TRIM37: variants seen among roughly 807,000 people sequenced by gnomAD.
The protein encoded by TRIM37 is E3 ubiquitin-protein ligase TRIM37.
In TRIM37, 80 loss-of-function variants were observed where a neutral mutation model predicts 129.8. The ratio of observed to expected loss-of-function variants is 0.62; its 90% CI spans 0.51 to 0.74. The LOEUF is 0.74. TRIM37 is among the 30% of genes least tolerant of loss of function. The pLI, the probability that TRIM37 is intolerant of heterozygous loss-of-function variation, is 0.00. For missense variants in TRIM37, 1,054 were observed against 1,176.5 expected, an observed-to-expected ratio of 0.90 and a Z score of 1.52; for synonymous variants, 389 against 387.1, an observed-to-expected ratio of 1.00 and a Z score of -0.06.
rs1598790617 is a variant in TRIM37, at chr17:58,998,505, TCA to T, written c.*870_*871del. The T allele has an allele frequency of 1.0e-6, 1 of 985,386 alleles. No individual in the cohort carries two copies. Among genetic ancestry groups the T allele is most frequent in the Non-Finnish European group, 1.2e-6 (1 of 829,926 alleles). The allele number at this position is 985,386 out of a possible 1,614,324, so 61.0% of individuals were successfully genotyped here. ...TATGAGTATGAAAGAAAACCTTATA[TCA>T]CAGTTTCACGTTCATGTAAGCCACT... On this transcript the variant is annotated 3_prime_UTR_variant, in exon 24 of 24. Coordinates refer to ENST00000262294, the MANE Select transcript of TRIM37 (RefSeq NM_015294.6).
downstream of TRIM37, among the ~76,000 whole-genome samples, chr17:58,979,021 T>G (rs943268943): frequency 6.6e-6 from 1 of 152,152 alleles, no homozygotes; most frequent in African/African-American, 2.4e-5. Flanking sequence ...GTTCCCTCAA[T>G]TGAGGCAACT....
At chr17:59,049,424 C>T (rs762352112) in intron 14 of TRIM37, 31 bp from the exon 15 acceptor site, 1 of 1,574,402 alleles carries the variant, frequency 6.4e-7, no homozygotes, top group Non-Finnish European at 8.7e-7. Context: ...CAAATATTAG[C>T]CACAGCTCAC....
intron 2 of TRIM37, among the ~76,000 whole-genome samples, chr17:59,102,558 C>T (rs2045609391): frequency 6.6e-6 from 1 of 152,154 alleles, no homozygotes; most frequent in South Asian, 2.1e-4. Flanking sequence ...TTCTGAATTA[C>T]TCCTTAGGTT....
chr17:59,039,524 T>G (rs2038926288), intron 17 of TRIM37, among the ~76,000 whole-genome samples: 1 of 152,064 alleles, frequency 6.6e-6, no homozygotes, highest in African/African-American at 2.4e-5. Flanking sequence ...TTTTTGTATT[T>G]TTAGTAGAGA....
intron 13 of TRIM37, among the ~76,000 whole-genome samples, chr17:59,053,543 TG>T (rs1429209032): frequency 7.2e-5 from 11 of 152,182 alleles, no homozygotes. Context: ...GTCAGGCATA[TG>T]GTATAGACTC....
At chr17:59,072,799 T>C (rs972336032) in intron 8 of TRIM37, among the ~76,000 whole-genome samples, 3 of 151,872 alleles carry the variant, frequency 2.0e-5, no homozygotes, top group African/African-American at 7.2e-5. Flanking sequence ...AAGTTTATAG[T>C]CTTGGGTTAC....
intron 24 of TRIM37, among the ~76,000 whole-genome samples, chr17:58,986,938 C>A (rs2031875429): frequency 6.6e-6 from 1 of 152,174 alleles, no homozygotes; most frequent in Non-Finnish European, 1.5e-5. Context: ...AAGTCACATT[C>A]TTTTCTGAGA....
chr17:58,972,924 T>A, the TRIM37 span: 2 of 1,611,726 alleles, frequency 1.2e-6, no homozygotes, highest in Non-Finnish European at 8.5e-7. Context: ...CCAGAGCTAT[T>A]GGTAGGAAAA....
At chr17:59,000,192 T>C (rs1331786601) in intron 23 of TRIM37, among the ~76,000 whole-genome samples, 4 of 152,246 alleles carry the variant, frequency 2.6e-5, no homozygotes, top group African/African-American at 4.8e-5. Context: ...AGAATACTTA[T>C]GGTATATCCA....
intron 9 of TRIM37, among the ~76,000 whole-genome samples, chr17:59,066,206 T>C (rs1269296650): frequency 6.6e-6 from 1 of 152,202 alleles, no homozygotes; most frequent in African/African-American, 2.4e-5. Flanking sequence ...TCTGGAACCA[T>C]AAACCTAGTA....
chr17:59,062,698 A>G (rs1038635197), intron 10 of TRIM37, 50 bp from the exon 11 acceptor site: 1 of 1,494,718 alleles, frequency 6.7e-7, no homozygotes, highest in Non-Finnish European at 9.3e-7. Flanking sequence ...CTGTTGTGAA[A>G]TGGCAACAGG....
chr17:59,030,250 C>A (rs566448381), intron 18 of TRIM37, among the ~76,000 whole-genome samples: 1 of 152,106 alleles, frequency 6.6e-6, no homozygotes, highest in Non-Finnish European at 1.5e-5. Context: ...GGATTACAGG[C>A]ACCTGCCACA....
intron 15 of TRIM37, among the ~76,000 whole-genome samples, chr17:59,048,491 T>C (rs1428514594): frequency 6.6e-6 from 1 of 152,248 alleles, no homozygotes; most frequent in Non-Finnish European, 1.5e-5. Flanking sequence ...CTGACTGTTG[T>C]TTAGCTGGGA....
chr17:59,037,744 T>C (rs1306414309), intron 17 of TRIM37, among the ~76,000 whole-genome samples: 1 of 152,032 alleles, frequency 6.6e-6, no homozygotes, highest in Non-Finnish European at 1.5e-5. Context: ...AATACTGATA[T>C]ATTATTAACT....
chr17:59,076,485 C>A (rs1219160699), intron 7 of TRIM37, among the ~76,000 whole-genome samples: 2 of 152,198 alleles, frequency 1.3e-5, no homozygotes, highest in Non-Finnish European at 2.9e-5. Context: ...AGGCTGCATG[C>A]AGTCATGCAA....
chr17:59,038,924 C>A (rs1409027088), intron 17 of TRIM37, among the ~76,000 whole-genome samples: 1 of 152,162 alleles, frequency 6.6e-6, no homozygotes, highest in Non-Finnish European at 1.5e-5. Context: ...GACTGACTCA[C>A]TCCCTGTTCC....
intron 8 of TRIM37, among the ~76,000 whole-genome samples, chr17:59,074,480 C>A (rs909228726): frequency 6.6e-6 from 1 of 152,084 alleles, no homozygotes; most frequent in African/African-American, 2.4e-5. Flanking sequence ...TATTTATGTG[C>A]TGAATCCTAC....
At chr17:59,102,360 T>C (rs1448410208) in intron 2 of TRIM37, among the ~76,000 whole-genome samples, 1 of 152,202 alleles carries the variant, frequency 6.6e-6, no homozygotes, top group East Asian at 1.9e-4. Context: ...ACATGGGACC[T>C]TCATCAAAAG....
intron 19 of TRIM37, among the ~76,000 whole-genome samples, chr17:59,020,506 A>G (rs1293509773): frequency 6.6e-6 from 1 of 152,100 alleles, no homozygotes; most frequent in African/African-American, 2.4e-5. Context: ...CAATAAATTT[A>G]AAGACCCAAA....
Sources: gnomAD v4.1 joint callset for allele counts (sites outside exome capture counted in the v4.1 genomes callset) on GRCh38, gnomAD v4.1.1 for gene constraint, MANE v1.5 for transcripts, NCBI Gene and HGNC (gene_info 2026-07-23, HGNC 2026-07-21) for gene names.